Variants in WDR5 observed in about 807,000 individuals in gnomAD.
WDR5 encodes the protein WD repeat-containing protein 5.
For missense variants in WDR5, 187 were observed against 416.9 expected (o/e 0.45, Z 4.80); for synonymous variants, 144 against 161.6 (o/e 0.89, Z 0.83).
Position 134,148,378 on chromosome 9 carries a change from G to A in WDR5, c.584+35G>A, listed in dbSNP as rs115710638. The A allele has an allele frequency of 2.3e-3, 3,658 of 1,586,894 alleles. 66 individuals are homozygous for A. In the African/African-American group the frequency reaches 0.041, roughly 18 times the overall value. ...AACATTTTACTTCATGAAGCGATGA[G>A]TGCTTAACTAAGGGCCAGCTCTTGC... On this transcript the variant is annotated intron_variant, in intron 8 of 13. Coordinates refer to ENST00000358625, the MANE Select transcript of WDR5 (RefSeq NM_017588.3).
At position 134,157,622 on chromosome 9, in the gene WDR5, T is replaced by C. The variant is rs561380191; in HGVS notation, c.905-271T>C. Among the ~76,000 whole-genome samples, 1 of 152,242 alleles carries C rather than the reference T, an allele frequency of 6.6e-6. No individual in the cohort carries two copies. Among genetic ancestry groups the C allele is most frequent in the East Asian group, 1.9e-4 (1 of 5,174 alleles). On this transcript the variant is annotated intron_variant, in intron 13 of 13. Transcript: ENST00000358625. The surrounding 1 kb of genome is among the most constrained non-coding windows in gnomAD (Gnocchi z 5.0). The stretch of plus-strand genomic sequence containing the variant: ...TGCTGTTGGTGGGGGCGTGTGGGGC[T>C]CCTGGTCTGCAGGCAGGGCTGGCAC...
chr9:134,158,204 T>G lies in WDR5; in HGVS notation c.*211T>G. 1 of 541,404 alleles carries G rather than the reference T, an allele frequency of 1.8e-6. No individual in the cohort carries two copies. The highest frequency in any genetic ancestry group is 3.3e-6 in the Non-Finnish European group (1 of 300,382). The allele number at this position is 541,404 out of a possible 1,614,324, so 33.5% of individuals were successfully genotyped here. On this transcript the variant is annotated 3_prime_UTR_variant, in exon 14 of 14. Coordinates refer to ENST00000358625, the MANE Select transcript of WDR5 (RefSeq NM_017588.3). ...TGCTGGTGACATTTCTTGCCAATTC[T>G]AACACTGTCTAGGGAAGAGTTCCTA... is the stretch of plus-strand genomic sequence containing the variant.
At chr9:134,148,986 C>T (rs373706087) in intron 8 of WDR5, among the ~76,000 whole-genome samples, 17 of 152,140 alleles carry the variant, frequency 1.1e-4, no homozygotes, top group Admixed American at 2.0e-4. Flanking sequence ...GGATGTGGGG[C>T]GGACACATCA....
At chr9:134,147,838 A>T (rs1431884240) in intron 7 of WDR5, among the ~76,000 whole-genome samples, 3 of 151,766 alleles carry the variant, frequency 2.0e-5, no homozygotes, top group Non-Finnish European at 2.9e-5. Flanking sequence ...TGGGCAAGAT[A>T]GGGAGACCCT....
chr9:134,144,136 A>G (rs1832046516), intron 7 of WDR5, among the ~76,000 whole-genome samples: 1 of 152,246 alleles, frequency 6.6e-6, no homozygotes. Context: ...CCGGACGGAC[A>G]GTGTGTCAGG....
intron 8 of WDR5, among the ~76,000 whole-genome samples, chr9:134,149,401 A>G (rs34546899): frequency 0.011 from 1,709 of 152,328 alleles, 20 homozygotes; most frequent in Middle Eastern, 0.024. Context: ...GGAGCCCCAC[A>G]TTGGCCAGTA....
At chr9:134,155,302 T>C in intron 10 of WDR5, 38 bp from the exon 11 acceptor site, 1 of 1,563,084 alleles carries the variant, frequency 6.4e-7, no homozygotes, top group Non-Finnish European at 8.6e-7. Flanking sequence ...GAAGGATGCC[T>C]CCAGACATGC....
rs897968168 is a variant in WDR5, at chr9:134,158,121, T to G, written c.*128T>G. On this transcript the variant is annotated 3_prime_UTR_variant, in exon 14 of 14. Transcript: ENST00000358625. ...AGGACAGGGCCTGATTTGAGCCTCC[T>G]CTCTGAAGATGATTTGGCCGAGCGG... is the stretch of plus-strand genomic sequence containing the variant. 2.6e-6 allele frequency: 2 copies of G among 779,454 alleles called. No homozygotes were observed. The highest frequency in any genetic ancestry group is 4.2e-6 in the Non-Finnish European group (2 of 475,572). 48.3% of individuals were successfully genotyped at this position (779,454 alleles called of 1,614,324 possible).
At chr9:134,144,362 T>C (rs1419784949) in intron 7 of WDR5, among the ~76,000 whole-genome samples, 1 of 152,206 alleles carries the variant, frequency 6.6e-6, no homozygotes, top group Non-Finnish European at 1.5e-5. Flanking sequence ...ACCTTCAGAC[T>C]GGGGCTGACA....
intron 2 of WDR5, among the ~76,000 whole-genome samples, chr9:134,140,498 C>G (rs1422042836): frequency 6.6e-6 from 1 of 151,922 alleles, no homozygotes; most frequent in African/African-American, 2.4e-5. Context: ...AAGAGGAGGT[C>G]TTGTGGGGAA....
At chr9:134,155,934 C>T (rs996175217) in intron 12 of WDR5, among the ~76,000 whole-genome samples, 167 bp downstream of exon 12, 2 of 152,214 alleles carry the variant, frequency 1.3e-5, no homozygotes, top group African/African-American at 2.4e-5. Context: ...CACCTTGTCC[C>T]GTTTGTTTCT....
intron 2 of WDR5, among the ~76,000 whole-genome samples, chr9:134,140,341 C>T (rs935309087): frequency 3.3e-5 from 5 of 152,072 alleles, no homozygotes; most frequent in African/African-American, 1.2e-4. Flanking sequence ...GAGGGTGGGG[C>T]GCTGGACCAA....
chr9:134,153,902 G>A (rs979209137), intron 9 of WDR5, among the ~76,000 whole-genome samples: 13 of 152,138 alleles, frequency 8.5e-5, no homozygotes, highest in South Asian at 2.1e-4. Flanking sequence ...CCTGTACATC[G>A]ACAGCTTCTG....
chr9:134,140,652 G>T (rs370796126), intron 2 of WDR5, 51 bp from the exon 3 acceptor site: 2 of 1,490,284 alleles, frequency 1.3e-6, no homozygotes, highest in Admixed American at 3.3e-5. Flanking sequence ...AACTGGTCAC[G>T]GGTGGAACGT....
chr9:134,152,542 A>G lies in WDR5; in HGVS notation c.631+513A>G, dbSNP rs1402941495. ...GCAGGGTGTGGCCTGAGGGTCTGTG[A>G]CGGCCCGGGGTTCCCAGCTGCCCCT... is the stretch of plus-strand genomic sequence containing the variant. On this transcript the variant is annotated intron_variant, in intron 9 of 13. Transcript: ENST00000358625. 2.6e-5 allele frequency among the ~76,000 whole-genome samples: 4 copies of G among 152,170 alleles called. No individual in the cohort carries two copies. In the East Asian group the frequency reaches 5.8e-4, roughly 22 times the overall value.
chr9:134,140,066 C>G, intron 2 of WDR5, 108 bp downstream of exon 2: 1 of 1,284,984 alleles, frequency 7.8e-7, no homozygotes, highest in South Asian at 1.3e-5. Flanking sequence ...AGTTAAATGT[C>G]ACTGCTAATT....
intron 10 of WDR5, 113 bp downstream of exon 10, chr9:134,154,654 G>A (rs28694247): frequency 0.15 from 179,322 of 1,221,404 alleles, 14,153 homozygotes; most frequent in East Asian, 0.24. Context: ...CGGGATCCAG[G>A]CTCCTGGTGG....
chr9:134,154,683 G>T, intron 10 of WDR5, 142 bp downstream of exon 10: 1 of 942,520 alleles, frequency 1.1e-6, no homozygotes, highest in Non-Finnish European at 1.6e-6. Flanking sequence ...CTTCTGGGCA[G>T]TGGCCTGTTA....
chr9:134,140,848 C>T (rs371176131), intron 3 of WDR5, 37 bp downstream of exon 3: 37 of 1,585,530 alleles, frequency 2.3e-5, no homozygotes, highest in East Asian at 8.9e-5. Flanking sequence ...CTGGGAGAGG[C>T]GGTCTGAGCT....
Sources: allele counts gnomAD v4.1 joint callset (sites outside exome capture counted in the v4.1 genomes callset), GRCh38; gene constraint gnomAD v4.1.1; non-coding constraint Gnocchi (gnomAD v3.1); transcripts MANE v1.5; gene names NCBI Gene and HGNC (gene_info 2026-07-23, HGNC 2026-07-21).